RTL4: variants seen among roughly 807,000 people sequenced by gnomAD.
The protein encoded by RTL4 is retrotransposon Gag-like protein 4.
RTL4 carries 4 observed loss-of-function variants against 5.3 expected under a neutral mutation model. The observed-to-expected ratio is 0.75, with a 90% confidence interval of 0.37 to 1.72. The LOEUF (loss-of-function observed/expected upper bound fraction) is 1.72. RTL4 is among the 40% of genes most tolerant of loss of function. The pLI, the probability that RTL4 is intolerant of heterozygous loss-of-function variation, is 0.04. For synonymous variants in RTL4, 98 were observed against 87.3 expected, an observed-to-expected ratio of 1.12 and a Z score of -0.68; for missense variants, 260 against 227.1, an observed-to-expected ratio of 1.14 and a Z score of -0.93.
At chrX:112,335,589 G>A in the RTL4 span, among the ~76,000 whole-genome samples, 4 of 110,437 alleles carry the variant, frequency 3.6e-5, no homozygotes, top group East Asian at 1.1e-3. Flanking sequence ...TGTCTTATGG[G>A]TTTTATTATA....
chrX:112,404,036 G>A, the RTL4 span, among the ~76,000 whole-genome samples: 1 of 111,231 alleles, frequency 9.0e-6, no homozygotes, highest in Admixed American at 9.5e-5. Flanking sequence ...CTTTTAGCCT[G>A]ATCTCTCCAG....
chrX:112,398,053 A>T, the RTL4 span, among the ~76,000 whole-genome samples: 1 of 111,524 alleles, frequency 9.0e-6, no homozygotes, highest in Non-Finnish European at 1.9e-5. Flanking sequence ...ATGTTCTTAC[A>T]TTCTTAGGGT....
At chrX:112,120,151 C>T in the RTL4 span, among the ~76,000 whole-genome samples, 4 of 112,048 alleles carry the variant, frequency 3.6e-5, no homozygotes, top group African/African-American at 1.3e-4. Flanking sequence ...TTCCAAATGG[C>T]CACCAATATA....
the RTL4 span, among the ~76,000 whole-genome samples, chrX:112,108,009 C>CT: frequency 9.1e-6 from 1 of 110,065 alleles, no homozygotes; most frequent in Non-Finnish European, 1.9e-5. Context: ...TTTCTTGTTT[C>CT]TTTTTTCTTA....
the RTL4 span, among the ~76,000 whole-genome samples, chrX:112,192,418 G>T: frequency 9.0e-6 from 1 of 110,815 alleles, no homozygotes; most frequent in African/African-American, 3.3e-5. Flanking sequence ...TTTGCTATTT[G>T]TTTTCTATAT....
the RTL4 span, among the ~76,000 whole-genome samples, chrX:112,118,280 G>C: frequency 8.9e-6 from 1 of 112,010 alleles, no homozygotes; most frequent in South Asian, 3.7e-4. Flanking sequence ...CAATATGTTG[G>C]GTTGATGTTG....
chrX:112,415,300 T>C, the RTL4 span, among the ~76,000 whole-genome samples: 6 of 111,278 alleles, frequency 5.4e-5, no homozygotes, highest in Non-Finnish European at 9.4e-5. Context: ...TTTTGAATCA[T>C]AGAGTGGGTT....
chrX:112,132,103 C>T, the RTL4 span, among the ~76,000 whole-genome samples: 1 of 111,647 alleles, frequency 9.0e-6, no homozygotes, highest in Non-Finnish European at 1.9e-5. Context: ...CAGGTTACCT[C>T]TATATGATAC....
At chrX:112,131,679 GGA>G in the RTL4 span, among the ~76,000 whole-genome samples, 2 of 111,055 alleles carry the variant, frequency 1.8e-5, no homozygotes, top group South Asian at 3.9e-4. Context: ...GGATAGCAGG[GGA>G]GAGAGAGTGG....
At chrX:112,284,398 G>A in the RTL4 span, among the ~76,000 whole-genome samples, 1 of 110,400 alleles carries the variant, frequency 9.1e-6, no homozygotes, top group Admixed American at 9.7e-5. Flanking sequence ...TTCATCAACT[G>A]TAACATACTA....
the RTL4 span, among the ~76,000 whole-genome samples, chrX:112,169,046 TTC>T: frequency 5.9e-5 from 2 of 33,653 alleles, no homozygotes; most frequent in African/African-American, 8.4e-5. Context: ...CTTTCTTTCT[TTC>T]TTTCTTTCTT....
chrX:112,398,560 C>T, the RTL4 span, among the ~76,000 whole-genome samples: 22 of 108,877 alleles, frequency 2.0e-4, no homozygotes, highest in East Asian at 5.2e-3. Context: ...CCACCACACT[C>T]GGCTAATTTT....
the RTL4 span, among the ~76,000 whole-genome samples, chrX:112,289,363 G>C: frequency 2.7e-5 from 3 of 112,678 alleles, no homozygotes; most frequent in Non-Finnish European, 5.6e-5. Flanking sequence ...GAAGAGAACA[G>C]AGGATCTAGA....
chrX:112,161,388 T>TTGATCAGTATATCAGC, the RTL4 span, among the ~76,000 whole-genome samples: 1 of 111,830 alleles, frequency 8.9e-6, no homozygotes, highest in South Asian at 3.7e-4. Flanking sequence ...CTCTTTCCAG[T>TTGATCAGTATATCAGC]TGTTCAGTAT....
the RTL4 span, among the ~76,000 whole-genome samples, chrX:112,129,292 A>C: frequency 8.9e-6 from 1 of 111,950 alleles, no homozygotes; most frequent in South Asian, 3.8e-4. Flanking sequence ...GCAGCTCCTC[A>C]AAAAGTAAAA....
At chrX:112,257,299 G>A in the RTL4 span, among the ~76,000 whole-genome samples, 1 of 111,359 alleles carries the variant, frequency 9.0e-6, no homozygotes, top group South Asian at 3.7e-4. Context: ...CATCCTTGCA[G>A]TCTTCAGATA....
At chrX:112,276,026 G>T in the RTL4 span, among the ~76,000 whole-genome samples, 1 of 111,846 alleles carries the variant, frequency 8.9e-6, no homozygotes, top group Admixed American at 9.5e-5. Context: ...AGCCTGACTA[G>T]CCATTCTTTT....
the RTL4 span, among the ~76,000 whole-genome samples, chrX:112,255,092 T>C: frequency 8.9e-6 from 1 of 111,841 alleles, no homozygotes; most frequent in African/African-American, 3.2e-5. Flanking sequence ...TGAACAGGGC[T>C]AGAATCTGAT....
chrX:112,408,634 G>A, the RTL4 span, among the ~76,000 whole-genome samples: 3 of 111,278 alleles, frequency 2.7e-5, no homozygotes, highest in East Asian at 8.5e-4. Flanking sequence ...CAAACTTTGA[G>A]AAATATATCA....
Sources: gnomAD v4.1 joint callset for allele counts (sites outside exome capture counted in the v4.1 genomes callset) on GRCh38, gnomAD v4.1.1 for gene constraint, MANE v1.5 for transcripts, NCBI Gene and HGNC (gene_info 2026-07-23, HGNC 2026-07-21) for gene names.